The following TMIGD2 variants were observed in gnomAD, a reference collection of about 807,000 sequenced individuals.
TMIGD2 encodes transmembrane and immunoglobulin domain-containing protein 2.
In TMIGD2, 18 loss-of-function variants were observed where a neutral mutation model predicts 22.6. That is an observed-to-expected ratio of 0.80 (90% CI 0.55 to 1.18). The LOEUF (loss-of-function observed/expected upper bound fraction) is 1.18. Ranked by LOEUF, TMIGD2 falls within the 50% of genes most tolerant of loss-of-function variation. TMIGD2 has a pLI of 0.00. For missense variants in TMIGD2, 361 were observed against 378.2 expected, an observed-to-expected ratio of 0.95 and a Z score of 0.38; for synonymous variants, 184 against 154.1, an observed-to-expected ratio of 1.19 and a Z score of -1.44.
intron 2 of TMIGD2, among the ~76,000 whole-genome samples, chr19:4,295,443 C>T (rs1460855294): frequency 6.6e-6 from 1 of 151,528 alleles, no homozygotes; most frequent in African/African-American, 2.4e-5. Context: ...ACCTGTAGTC[C>T]CAGCTACTCG....
At chr19:4,297,426 G>C (rs1173892494) in intron 2 of TMIGD2, among the ~76,000 whole-genome samples, 1 of 152,170 alleles carries the variant, frequency 6.6e-6, no homozygotes, top group Non-Finnish European at 1.5e-5. Flanking sequence ...CTGGAGTGCA[G>C]TGGTGCACTC....
chr19:4,302,166 C>A (rs1331321330), intron 1 of TMIGD2, among the ~76,000 whole-genome samples, 174 bp downstream of exon 1: 1 of 151,730 alleles, frequency 6.6e-6, no homozygotes, highest in African/African-American at 2.4e-5. Context: ...TAGGGGCCCT[C>A]AGAGGATCCT....
chr19:4,292,812 C>T (rs1157855673), exon 5 of TMIGD2: 1 of 1,613,508 alleles, frequency 6.2e-7, no homozygotes, highest in African/African-American at 1.3e-5. Flanking sequence ...GGTCCTTCCC[C>T]TCTCCAGAGC....
chr19:4,293,035 C>T (rs1971404796), intron 4 of TMIGD2, 150 bp from the exon 5 acceptor site: 1 of 1,211,502 alleles, frequency 8.3e-7, no homozygotes, highest in Non-Finnish European at 1.2e-6. Context: ...GCAATCTCGG[C>T]TCACTGCAAG....
chr19:4,297,887 G>C, intron 2 of TMIGD2, 99 bp downstream of exon 2: 1 of 1,358,550 alleles, frequency 7.4e-7, no homozygotes, highest in Non-Finnish European at 9.7e-7. Flanking sequence ...TTGATATGAA[G>C]AATTTAGAGT....
intron 2 of TMIGD2, among the ~76,000 whole-genome samples, chr19:4,295,649 G>A (rs575717297): frequency 1.5e-4 from 23 of 152,076 alleles, no homozygotes; most frequent in African/African-American, 5.3e-4. Context: ...CATGAGCCCC[G>A]CCATCTTTAT....
At chr19:4,294,314 C>G (rs1311308463) in intron 4 of TMIGD2, among the ~76,000 whole-genome samples, 1 of 152,150 alleles carries the variant, frequency 6.6e-6, no homozygotes, top group African/African-American at 2.4e-5. Context: ...CTCGGCCTCC[C>G]AAAATGCTGG....
At position 4,292,678 on chromosome 19, in the gene TMIGD2, G is replaced by C. The variant is rs770398627; in HGVS notation, c.770C>G (p.Ser257Cys). 5 of 1,604,384 alleles carry C rather than the reference G, an allele frequency of 3.1e-6. No homozygotes were observed. The South Asian group carries it at 3.3e-5, about 11-fold the overall frequency. ...TGGTCTAGGAGAGACCCTGACCATA[G>C]AGACGGGGTGGCCGGGCCTGGGGCT... Residue 257 changes from serine to cysteine, a missense_variant, in exon 5 of 5, where the codon TCT becomes TGT. Transcript: ENST00000301272.
At chr19:4,302,205 C>T in intron 1 of TMIGD2, 135 bp downstream of exon 1, 6 of 928,612 alleles carry the variant, frequency 6.5e-6, no homozygotes, top group Non-Finnish European at 9.5e-6. Context: ...CCATCACGTT[C>T]TGAGTCTCGG....
chr19:4,294,344 C>T lies in TMIGD2; in HGVS notation c.562+223G>A, dbSNP rs1017949392. ...TGCTGGGATGACAGGCATGAGCCAC[C>T]GCGCCCAGCAATTTGTAATTTTTTT... On this transcript the variant is annotated intron_variant, in intron 4 of 4. Coordinates refer to ENST00000301272, the Ensembl canonical transcript of TMIGD2. Among the ~76,000 whole-genome samples, 11 of 152,264 alleles carry T rather than the reference C, an allele frequency of 7.2e-5. 1 individual carries two copies. The highest frequency in any genetic ancestry group is 3.4e-3 in the Middle Eastern group (1 of 294).
At chr19:4,296,523 G>C (rs756561439) in intron 2 of TMIGD2, among the ~76,000 whole-genome samples, 88 of 152,324 alleles carry the variant, frequency 5.8e-4, no homozygotes, top group South Asian at 8.3e-4. Flanking sequence ...GATTGGTGGG[G>C]TGTGGGGAAG....
intron 2 of TMIGD2, 131 bp from the exon 3 acceptor site, chr19:4,294,947 A>C (rs1971441493): frequency 1.1e-6 from 1 of 892,726 alleles, no homozygotes; most frequent in Non-Finnish European, 1.6e-6. Flanking sequence ...TTCACTCTGA[A>C]CCTCTGTTTC....
exon 5 of TMIGD2, chr19:4,292,635 C>T (rs745975486): frequency 1.4e-5 from 23 of 1,612,666 alleles, no homozygotes; most frequent in African/African-American, 2.7e-5. Flanking sequence ...CTTTTGGCCT[C>T]GGCTGCTGGG....
At chr19:4,294,327 T>G (rs1793619598) in intron 4 of TMIGD2, among the ~76,000 whole-genome samples, 1 of 152,150 alleles carries the variant, frequency 6.6e-6, no homozygotes, top group Non-Finnish European at 1.5e-5. Context: ...AATGCTGGGA[T>G]GACAGGCATG....
chr19:4,294,362 AT>A, intron 4 of TMIGD2, among the ~76,000 whole-genome samples: 1 of 152,236 alleles, frequency 6.6e-6, no homozygotes, highest in East Asian at 1.9e-4. Context: ...GCAATTTGTA[AT>A]TTTTTTGTAG....
intron 2 of TMIGD2, among the ~76,000 whole-genome samples, 175 bp downstream of exon 2, chr19:4,297,811 C>T (rs1336744464): frequency 2.0e-5 from 3 of 151,126 alleles, no homozygotes; most frequent in East Asian, 2.0e-4. Flanking sequence ...GCCGAGATCG[C>T]GCCCCTGCAC....
chr19:4,300,295 A>G (rs1454248746), intron 1 of TMIGD2, among the ~76,000 whole-genome samples: 3 of 149,524 alleles, frequency 2.0e-5, no homozygotes, highest in East Asian at 2.0e-4. Context: ...GCAGTGGCTC[A>G]CGCCTATAAT....
At chr19:4,296,877 A>G (rs1971468039) in intron 2 of TMIGD2, among the ~76,000 whole-genome samples, 1 of 152,144 alleles carries the variant, frequency 6.6e-6, no homozygotes, top group South Asian at 2.1e-4. Flanking sequence ...GGGTTTCCCG[A>G]TTCTGCCCAG....
intron 2 of TMIGD2, among the ~76,000 whole-genome samples, chr19:4,296,957 C>T (rs755104350): frequency 1.3e-5 from 2 of 152,156 alleles, no homozygotes; most frequent in African/African-American, 2.4e-5. Context: ...TGGTGCATAA[C>T]GCTAGATATG....
Sources: allele counts gnomAD v4.1 joint callset (sites outside exome capture counted in the v4.1 genomes callset), GRCh38; gene constraint gnomAD v4.1.1; transcripts MANE v1.5; gene names NCBI Gene and HGNC (gene_info 2026-07-23, HGNC 2026-07-21).